The following EZH1 variants were observed in gnomAD, a reference collection of about 807,000 sequenced individuals.
EZH1 encodes histone-lysine N-methyltransferase EZH1.
In EZH1, 33 loss-of-function variants were observed where a neutral mutation model predicts 100.5. The ratio of observed to expected loss-of-function variants is 0.33; its 90% CI spans 0.25 to 0.44. The LOEUF (loss-of-function observed/expected upper bound fraction) is 0.44. Among genes scored for constraint, EZH1 ranks in the 20% least tolerant of loss-of-function variants. EZH1 has a pLI of 1.00. For synonymous variants in EZH1, 272 were observed against 313.8 expected (o/e 0.87, Z 1.41); for missense variants, 475 against 928.4 (o/e 0.51, Z 6.35).
At position 42,708,291 on chromosome 17, in the gene EZH1, G is replaced by A. The variant is rs188254936; in HGVS notation, c.1535-208C>T. The A allele has an allele frequency of 4.9e-5, 26 of 527,572 alleles. No homozygotes were observed. In the East Asian group the frequency reaches 8.8e-4, roughly 18 times the overall value. 32.7% of individuals were successfully genotyped at this position (527,572 alleles called of 1,614,324 possible). On this transcript the variant is annotated intron_variant, in intron 14 of 20. Transcript: ENST00000428826. ...GCTTTGTGGGGAGGGTGTGGAGATG[G>A]TCTGGGACAACAGGGAAGCTATTCT... is the stretch of plus-strand genomic sequence containing the variant.
At chr17:42,732,056 C>T (rs2053961230) in intron 1 of EZH1, among the ~76,000 whole-genome samples, 1 of 151,554 alleles carries the variant, frequency 6.6e-6, no homozygotes, top group South Asian at 2.1e-4. Context: ...GAGATTGAGG[C>T]CACAGTGAGC....
chr17:42,702,677 C>A, intron 20 of EZH1, 85 bp from the exon 21 acceptor site: 2 of 1,387,830 alleles, frequency 1.4e-6, no homozygotes, highest in East Asian at 2.4e-5. Flanking sequence ...TTTCACTTCC[C>A]CTCCCACTCC....
chr17:42,711,674 C>G (rs1542924), intron 12 of EZH1, among the ~76,000 whole-genome samples: 100,966 of 149,834 alleles, frequency 0.67, 35,785 homozygotes, highest in African/African-American at 0.92. Flanking sequence ...GCTGGGCATA[C>G]TGGCCTGCAC....
chr17:42,707,106 C>T (rs1375936484), intron 15 of EZH1, among the ~76,000 whole-genome samples: 2 of 152,114 alleles, frequency 1.3e-5, no homozygotes, highest in East Asian at 1.9e-4. Flanking sequence ...GACATCCAGG[C>T]CCCTGTCTTC....
rs1341414084 is a variant in EZH1, at chr17:42,719,220, T to C, written c.665-13A>G. ...CTCTTTTTGTTGCCTGAATTGGAAA[T>C]GATAAAAAGCTCCTGAGTGCGATTA... On this transcript the variant is annotated splice_polypyrimidine_tract_variant and intron_variant, in intron 7 of 20. Coordinates refer to ENST00000428826, the MANE Select transcript of EZH1 (RefSeq NM_001991.5). 1 of 1,602,804 alleles carries C rather than the reference T, an allele frequency of 6.2e-7. No individual in the cohort carries two copies.
At chr17:42,738,330 TC>T (rs2054107148) in intron 1 of EZH1, among the ~76,000 whole-genome samples, 1 of 152,062 alleles carries the variant, frequency 6.6e-6, no homozygotes, top group African/African-American at 2.4e-5. Flanking sequence ...AAATTCAGTG[TC>T]TTTGATAGTT....
chr17:42,720,112 T>G (rs1030546682), intron 7 of EZH1, among the ~76,000 whole-genome samples, 161 bp downstream of exon 7: 1 of 152,228 alleles, frequency 6.6e-6, no homozygotes, highest in Admixed American at 6.5e-5. Context: ...TTCACCCAAG[T>G]CACAGCTATC....
intron 1 of EZH1, among the ~76,000 whole-genome samples, chr17:42,736,712 T>C (rs1028085386): frequency 1.3e-5 from 2 of 151,998 alleles, no homozygotes; most frequent in African/African-American, 4.8e-5. Context: ...TGTGCACTTG[T>C]AGTCTCAGCT....
intron 10 of EZH1, 61 bp downstream of exon 10, chr17:42,717,915 G>T: frequency 1.4e-6 from 2 of 1,451,796 alleles, no homozygotes; most frequent in Non-Finnish European, 9.7e-7. Context: ...CTGTGTACTG[G>T]CTCACGTGGC....
intron 19 of EZH1, chr17:42,703,490 G>C (rs901971771): frequency 6.4e-6 from 3 of 469,906 alleles, no homozygotes; most frequent in Non-Finnish European, 1.1e-5. Context: ...TTATTATTTT[G>C]TGAGATGGGT....
At chr17:42,713,440 T>G (rs375360619) in intron 10 of EZH1, 51 bp from the exon 11 acceptor site, 1 of 1,505,488 alleles carries the variant, frequency 6.6e-7, no homozygotes, top group African/African-American at 1.4e-5. Flanking sequence ...CATCACCATA[T>G]TGATCTCATC....
chr17:42,740,747 C>T (rs1237280779), intron 1 of EZH1, among the ~76,000 whole-genome samples: 2 of 152,198 alleles, frequency 1.3e-5, no homozygotes, highest in Non-Finnish European at 2.9e-5. Flanking sequence ...TAATACTGTA[C>T]TGTATTTAGT....
chr17:42,722,698 T>G, intron 6 of EZH1, 97 bp downstream of exon 6: 3 of 1,219,474 alleles, frequency 2.5e-6, no homozygotes, highest in Non-Finnish European at 3.5e-6. Flanking sequence ...GTGTACCCCA[T>G]GGGGCAGAAG....
chr17:42,714,805 G>A (rs1427158739), intron 10 of EZH1, among the ~76,000 whole-genome samples: 2 of 147,028 alleles, frequency 1.4e-5, no homozygotes, highest in Non-Finnish European at 1.5e-5. Context: ...TGCCTATGCT[G>A]TGTATGAAGT....
chr17:42,737,973 A>C (rs1164336772), intron 1 of EZH1, among the ~76,000 whole-genome samples: 1 of 152,024 alleles, frequency 6.6e-6, no homozygotes, highest in Non-Finnish European at 1.5e-5. Context: ...TCAGGAGATC[A>C]AGACCATCCT....
chr17:42,704,735 C>A, intron 17 of EZH1, 52 bp from the exon 18 acceptor site: 1 of 1,464,498 alleles, frequency 6.8e-7, no homozygotes, highest in Non-Finnish European at 9.5e-7. Context: ...CTGCTCAGGG[C>A]ATGGTACCCT....
chr17:42,709,558 T>G (rs1470747715), intron 13 of EZH1: 1 of 302,788 alleles, frequency 3.3e-6, no homozygotes, highest in African/African-American at 2.2e-5. Flanking sequence ...AGAAATGGCT[T>G]CAGGGTGGAG....
At chr17:42,702,646 A>C in intron 20 of EZH1, 54 bp from the exon 21 acceptor site, 1 of 1,521,124 alleles carries the variant, frequency 6.6e-7, no homozygotes, top group South Asian at 1.2e-5. Flanking sequence ...TTTGTGATTG[A>C]AAAGGCGGAG....
Position 42,713,198 on chromosome 17 carries a change from G to C in EZH1, c.1204+11C>G. On this transcript the variant is annotated intron_variant, in intron 11 of 20. Coordinates refer to ENST00000428826, the MANE Select transcript of EZH1 (RefSeq NM_001991.5). ...TGGAAAGAAAAAGTCTTCATTTTCT[G>C]TTCATCGTACCTGAAGAACTGGAGG... The C allele has an allele frequency of 6.2e-7, 1 of 1,611,736 alleles. No homozygotes were observed.
Sources: allele counts gnomAD v4.1 joint callset (sites outside exome capture counted in the v4.1 genomes callset), GRCh38; gene constraint gnomAD v4.1.1; transcripts MANE v1.5; gene names NCBI Gene and HGNC (gene_info 2026-07-23, HGNC 2026-07-21).